CNOT4: variants seen among roughly 807,000 people sequenced by gnomAD.
CNOT4 encodes the protein CCR4-associated factor 4.
CNOT4 carries 8 observed loss-of-function variants against 73.8 expected under a neutral mutation model. The observed-to-expected ratio is 0.11, with a 90% CI of 0.06 to 0.20. The LOEUF is 0.20. Ranked by LOEUF, CNOT4 falls within the 10% of genes least tolerant of loss-of-function variation. CNOT4 has a pLI of 1.00. For synonymous variants in CNOT4, 293 were observed against 321.1 expected (o/e 0.91, Z 0.94); for missense variants, 564 against 883.4 (o/e 0.64, Z 4.58).
At chr7:135,395,517 AT>A (rs1796628171) in intron 9 of CNOT4, 116 bp downstream of exon 9, 1 of 1,176,536 alleles carries the variant, frequency 8.5e-7, no homozygotes, top group Non-Finnish European at 1.2e-6. Flanking sequence ...TTGCATTTTT[AT>A]TAAAAGAGAA....
chr7:135,481,010 C>T (rs1328716442), intron 1 of CNOT4, among the ~76,000 whole-genome samples: 3 of 137,366 alleles, frequency 2.2e-5, no homozygotes, highest in East Asian at 2.2e-4. Flanking sequence ...AAAAAAAACA[C>T]ATCAAGACAT....
At chr7:135,507,048 A>G (rs1000846526) in intron 1 of CNOT4, among the ~76,000 whole-genome samples, 1 of 152,184 alleles carries the variant, frequency 6.6e-6, no homozygotes, top group Non-Finnish European at 1.5e-5. Context: ...TAAAGCACAC[A>G]AAATCATTTT....
intron 1 of CNOT4, among the ~76,000 whole-genome samples, chr7:135,482,523 A>G (rs1320732073): frequency 1.3e-5 from 2 of 152,004 alleles, no homozygotes; most frequent in Non-Finnish European, 2.9e-5. Flanking sequence ...CTGCACTCTA[A>G]CCTGGCTGAC....
At chr7:135,484,581 C>A (rs1176918572) in intron 1 of CNOT4, among the ~76,000 whole-genome samples, 1 of 151,948 alleles carries the variant, frequency 6.6e-6, no homozygotes, top group East Asian at 1.9e-4. Context: ...CATGGTGAAA[C>A]CCCATTTATA....
intron 1 of CNOT4, among the ~76,000 whole-genome samples, chr7:135,441,970 C>G (rs149596081): frequency 9.9e-5 from 15 of 152,256 alleles, no homozygotes; most frequent in African/African-American, 3.6e-4. Context: ...CAAAAGTAAT[C>G]TCATAAATGG....
chr7:135,472,516 T>A lies in CNOT4; in HGVS notation c.-92-34093A>T, dbSNP rs6954746. Reference sequence around the variant, plus strand: ...AAAAAAAAAAAAAAAAAAAAAAAAATATATATATATATATATATATATATA... The same window carrying A: ...AAAAAAAAAAAAAAAAAAAAAAAAAAATATATATATATATATATATATATA... On this transcript the variant is annotated intron_variant, in intron 1 of 11. Transcript: ENST00000541284. 6.2e-3 allele frequency among the ~76,000 whole-genome samples: 39 copies of A among 6,254 alleles called. 1 individual carries two copies. The highest frequency in any genetic ancestry group is 0.019 in the African/African-American group (26 of 1,380). 4.1% of individuals were successfully genotyped at this position (6,254 alleles called of 152,430 possible).
chr7:135,363,320 A>G lies in CNOT4; in HGVS notation c.1841-134T>C. The G allele has an allele frequency of 1.3e-6, 1 of 753,860 alleles. No individual in the cohort carries two copies. Among genetic ancestry groups the G allele is most frequent in the Admixed American group, 2.6e-5 (1 of 38,934 alleles). 46.7% of individuals were successfully genotyped at this position (753,860 alleles called of 1,614,324 possible). A position where few individuals can be genotyped will look rare whatever the true frequency, so the allele number is the denominator to read the frequency against. ...CAATTTTAAACTCCTTCCAAATAAG[A>G]CCTTTTAAACCAATCCTCCCCCAAC... is the stretch of plus-strand genomic sequence containing the variant. On this transcript the variant is annotated intron_variant, in intron 11 of 11. Coordinates refer to ENST00000541284, the MANE Select transcript of CNOT4 (RefSeq NM_001190850.2). The surrounding 1 kb of genome is among the most constrained non-coding windows in gnomAD (Gnocchi z 4.3).
chr7:135,421,789 TCCA>T (rs2129484521), intron 3 of CNOT4, among the ~76,000 whole-genome samples: 1 of 152,310 alleles, frequency 6.6e-6, no homozygotes, highest in East Asian at 1.9e-4. Context: ...CAACTGCACC[TCCA>T]CTGTTGGTTC....
rs1403357910 is a variant in CNOT4, at chr7:135,362,849, C to G, written c.*36G>C. On this transcript the variant is annotated 3_prime_UTR_variant, in exon 12 of 12. Coordinates refer to ENST00000541284, the MANE Select transcript of CNOT4 (RefSeq NM_001190850.2). ...CTGAGAGGGAGAAAACAGAGTGGGA[C>G]AAATCCTGCATTTTCTAATGGTTGC... 6.3e-7 allele frequency: 1 copy of G among 1,578,198 alleles called. No individual in the cohort carries two copies. The highest frequency in any genetic ancestry group is 1.1e-5 in the South Asian group (1 of 90,366).
chr7:135,434,818 T>C (rs922246073), intron 2 of CNOT4, among the ~76,000 whole-genome samples: 1 of 152,190 alleles, frequency 6.6e-6, no homozygotes, highest in African/African-American at 2.4e-5. Flanking sequence ...CAAATGTCTA[T>C]TCCTGGTGCA....
chr7:135,419,640 A>C (rs1798068436), intron 3 of CNOT4, among the ~76,000 whole-genome samples: 1 of 152,134 alleles, frequency 6.6e-6, no homozygotes, highest in South Asian at 2.1e-4. Flanking sequence ...GTATACTTAG[A>C]CTCATGATAA....
At chr7:135,504,779 CCCGGCCCAT>C (rs1804252062) in intron 1 of CNOT4, among the ~76,000 whole-genome samples, 1 of 74,548 alleles carries the variant, frequency 1.3e-5, no homozygotes, top group Non-Finnish European at 2.9e-5. Flanking sequence ...AGCCACCGCG[CCCGGCCCAT>C]CCGGCTAATT....
At chr7:135,500,035 A>G (rs997395218) in intron 1 of CNOT4, among the ~76,000 whole-genome samples, 1 of 152,194 alleles carries the variant, frequency 6.6e-6, no homozygotes, top group Admixed American at 6.5e-5. Context: ...CGAAAAACAG[A>G]TTATTTCCCA....
At chr7:135,420,867 G>A (rs970084953) in intron 3 of CNOT4, among the ~76,000 whole-genome samples, 4 of 152,142 alleles carry the variant, frequency 2.6e-5, no homozygotes, top group Non-Finnish European at 1.5e-5. Context: ...GCTACAGAAG[G>A]TGAGTCATAC....
rs910527092 is a variant in CNOT4, at chr7:135,422,494, T to A, written c.175-141A>T. On this transcript the variant is annotated intron_variant, in intron 2 of 11. Transcript: ENST00000541284. ...TAGAATGTTTTAACTGCTTAAAAAATTTTTTTATTTAATAAAAGACAAATG... is the reference window on the plus strand; with the variant it reads ...TAGAATGTTTTAACTGCTTAAAAAAATTTTTTATTTAATAAAAGACAAATG... The A allele has an allele frequency of 1.2e-4, 67 of 537,658 alleles. 1 individual carries two copies. The highest frequency in any genetic ancestry group is 9.2e-4 in the Admixed American group (27 of 29,362). The allele number at this position is 537,658 out of a possible 1,614,324, so 33.3% of individuals were successfully genotyped here.
intron 2 of CNOT4, among the ~76,000 whole-genome samples, chr7:135,423,128 T>C (rs1798281195): frequency 6.6e-6 from 1 of 152,204 alleles, no homozygotes; most frequent in African/African-American, 2.4e-5. Context: ...AAAAGTCAAT[T>C]ATTACTACTA....
intron 6 of CNOT4, 68 bp from the exon 7 acceptor site, chr7:135,410,716 C>A (rs1797547087): frequency 1.7e-5 from 18 of 1,028,784 alleles, no homozygotes; most frequent in African/African-American, 3.4e-5. Flanking sequence ...ACTGAATAAT[C>A]TTCTGAATTA....
chr7:135,384,673 G>T, intron 10 of CNOT4: 1 of 765,264 alleles, frequency 1.3e-6, no homozygotes, highest in Non-Finnish European at 2.4e-6. Context: ...TACTGAATGA[G>T]CCTATCTTCT....
At chr7:135,495,972 C>G (rs1233858943) in intron 1 of CNOT4, among the ~76,000 whole-genome samples, 1 of 152,146 alleles carries the variant, frequency 6.6e-6, no homozygotes, top group Non-Finnish European at 1.5e-5. Context: ...CACAAACTGT[C>G]TCAAGTTTTC....
Sources: gnomAD v4.1 joint callset for allele counts (sites outside exome capture counted in the v4.1 genomes callset) on GRCh38, gnomAD v4.1.1 for gene constraint, Gnocchi (gnomAD v3.1) non-coding constraint, MANE v1.5 for transcripts, NCBI Gene and HGNC (gene_info 2026-07-23, HGNC 2026-07-21) for gene names.